Variants in PLCG2 observed in about 807,000 individuals in gnomAD.
PLCG2 encodes the protein phospholipase C gamma 2, also known as 1-phosphatidylinositol 4,5-bisphosphate phosphodiesterase gamma-2.
Under a neutral mutation model 175.6 loss-of-function variants are expected in PLCG2, and 69 were observed. The observed-to-expected ratio is 0.39, with a 90% CI of 0.32 to 0.48. The LOEUF is 0.48. PLCG2 is among the 20% of genes least tolerant of loss of function. The pLI is 0.91. For missense variants in PLCG2, 1,798 were observed against 1,650.9 expected (o/e 1.09, Z -1.54); for synonymous variants, 827 against 624.0 (o/e 1.33, Z -4.85).
intron 2 of PLCG2, chr16:81,852,019 G>GA (rs1906442800): frequency 7.4e-6 from 1 of 134,380 alleles, no homozygotes; most frequent in African/African-American, 2.7e-5. Flanking sequence ...CTCACCTCTG[G>GA]ACTTCGTTCT....
At chr16:81,867,439 G>A (rs149611579) in intron 5 of PLCG2, among the ~76,000 whole-genome samples, 1 of 152,284 alleles carries the variant, frequency 6.6e-6, no homozygotes, top group Non-Finnish European at 1.5e-5. Flanking sequence ...TGGGCACACT[G>A]GGTTGGAGTT....
intron 20 of PLCG2, among the ~76,000 whole-genome samples, chr16:81,920,255 G>C (rs1402407946): frequency 6.6e-6 from 1 of 152,088 alleles, no homozygotes; most frequent in African/African-American, 2.4e-5. Context: ...GACCTGATGT[G>C]GTTACTTTGT....
chr16:81,795,921 G>C lies in PLCG2; in HGVS notation c.193+9739G>C, dbSNP rs114751436. Among the ~76,000 whole-genome samples the C allele has an allele frequency of 7.0e-3, 1,059 of 152,336 alleles. 11 individuals carry two copies. Among genetic ancestry groups the C allele is most frequent in the African/African-American group, 0.024 (1,012 of 41,574 alleles). On this transcript the variant is annotated intron_variant, in intron 2 of 32. Coordinates refer to ENST00000564138, the MANE Select transcript of PLCG2 (RefSeq NM_002661.5). Reference sequence around the variant, plus strand: ...ATGTGACCAAGTGCAAGGGATGCTGGGAAACATGCCCTAGCCGCATGCTAG... The same window carrying C: ...ATGTGACCAAGTGCAAGGGATGCTGCGAAACATGCCCTAGCCGCATGCTAG...
At chr16:81,951,846 T>C (rs1911378666) in intron 31 of PLCG2, among the ~76,000 whole-genome samples, 1 of 152,146 alleles carries the variant, frequency 6.6e-6, no homozygotes. Context: ...CCAAATGAAA[T>C]AATCAGTATA....
intron 3 of PLCG2, 137 bp from the exon 4 acceptor site, chr16:81,858,126 T>G: frequency 2.9e-6 from 2 of 695,478 alleles, no homozygotes; most frequent in East Asian, 5.0e-5. Flanking sequence ...TGAAAGGGGA[T>G]GCTTTCTTTG....
intron 19 of PLCG2, among the ~76,000 whole-genome samples, chr16:81,918,908 T>A (rs79914340): frequency 5.0e-5 from 6 of 120,218 alleles, no homozygotes; most frequent in Non-Finnish European, 7.1e-5. Flanking sequence ...CTTTTTTTTT[T>A]TAAAAAAAGT....
intron 10 of PLCG2, among the ~76,000 whole-genome samples, chr16:81,890,254 C>A (rs1908568225): frequency 6.6e-6 from 1 of 152,204 alleles, no homozygotes; most frequent in Non-Finnish European, 1.5e-5. Flanking sequence ...CCAGGCTCCT[C>A]TCATCCTCCT....
intron 3 of PLCG2, among the ~76,000 whole-genome samples, chr16:81,856,277 A>C (rs4074445): frequency 0.1 from 15,589 of 152,232 alleles, 910 homozygotes; most frequent in Middle Eastern, 0.16. Context: ...GAGGCTTCAT[A>C]GTTCCATGAG....
intron 2 of PLCG2, among the ~76,000 whole-genome samples, chr16:81,761,874 C>A (rs928103695): frequency 6.7e-6 from 1 of 149,960 alleles, no homozygotes; most frequent in Non-Finnish European, 1.5e-5. Context: ...TTCTGTCACC[C>A]AGGCTGGAGT....
intron 2 of PLCG2, among the ~76,000 whole-genome samples, chr16:81,773,471 G>T (rs908973833): frequency 2.6e-5 from 4 of 152,306 alleles, no homozygotes; most frequent in East Asian, 1.9e-4. Flanking sequence ...ACACAGGGGG[G>T]TAAGAGGCAG....
chr16:81,940,341 GAAATATTACATGCGGTTTGCTTCTC>G (rs2143738243), intron 30 of PLCG2, among the ~76,000 whole-genome samples: 1 of 152,206 alleles, frequency 6.6e-6, no homozygotes, highest in East Asian at 1.9e-4. Flanking sequence ...ATTTCATTTT[GAAATATTACATGCGGTTTGCTTCTC>G]CCTAGCTAGG....
At position 81,841,374 on chromosome 16, in the gene PLCG2, A is replaced by G. The variant is rs1905821112; in HGVS notation, c.194-13070A>G. Reference sequence around the variant, plus strand: ...CAGCCTCCTGAGTAGCTGGGATTACAGGCACCCAGGCGCTTACTACCATGC... The same window carrying G: ...CAGCCTCCTGAGTAGCTGGGATTACGGGCACCCAGGCGCTTACTACCATGC... On this transcript the variant is annotated intron_variant, in intron 2 of 32. Transcript: ENST00000564138. Among the ~76,000 whole-genome samples the G allele has an allele frequency of 1.3e-5, 2 of 151,964 alleles. 1 individual carries two copies. The highest frequency in any genetic ancestry group is 4.8e-5 in the African/African-American group (2 of 41,364).
chr16:81,756,689 G>A (rs944475713), intron 2 of PLCG2, among the ~76,000 whole-genome samples: 1 of 152,206 alleles, frequency 6.6e-6, no homozygotes, highest in African/African-American at 2.4e-5. Context: ...TGGACTTCGT[G>A]AGGCGGGTGT....
chr16:81,786,229 T>G, intron 2 of PLCG2, 47 bp downstream of exon 2: 58 of 1,460,598 alleles, frequency 4.0e-5, no homozygotes, highest in Non-Finnish European at 5.2e-5. Context: ...TCTGGGGCCC[T>G]GGCCTGAGCA....
chr16:81,945,226 C>T (rs1022256156), intron 30 of PLCG2, among the ~76,000 whole-genome samples: 3 of 151,948 alleles, frequency 2.0e-5, no homozygotes, highest in African/African-American at 7.3e-5. Flanking sequence ...AGAAATAAGC[C>T]CAAAATCTGA....
intron 2 of PLCG2, among the ~76,000 whole-genome samples, chr16:81,854,232 G>T (rs982431711): frequency 1.8e-4 from 28 of 152,206 alleles, no homozygotes; most frequent in African/African-American, 5.8e-4. Context: ...GACTCCAGGG[G>T]TTTGTGGGGT....
intron 1 of PLCG2, among the ~76,000 whole-genome samples, chr16:81,742,695 T>C (rs748253479): frequency 2.0e-5 from 3 of 152,120 alleles, no homozygotes; most frequent in African/African-American, 7.2e-5. Context: ...ATAGCACATA[T>C]AATCATTTGT....
At chr16:81,897,819 A>T (rs1908965503) in intron 13 of PLCG2, 2 of 455,668 alleles carry the variant, frequency 4.4e-6, no homozygotes, top group African/African-American at 4.0e-5. Flanking sequence ...TGTGGGGATT[A>T]TGGGCATGAG....
At chr16:81,890,730 G>A (rs535810022) in intron 10 of PLCG2, among the ~76,000 whole-genome samples, 2 of 152,268 alleles carry the variant, frequency 1.3e-5, no homozygotes, top group South Asian at 2.1e-4. Context: ...GGCCCAGATC[G>A]CTAAAGCATT....
Sources: gnomAD v4.1 joint callset for allele counts (sites outside exome capture counted in the v4.1 genomes callset) on GRCh38, gnomAD v4.1.1 for gene constraint, MANE v1.5 for transcripts, NCBI Gene and HGNC (gene_info 2026-07-23, HGNC 2026-07-21) for gene names.